NEO1: variants seen among roughly 807,000 people sequenced by gnomAD.
NEO1 encodes the protein neogenin.
In NEO1, 63 loss-of-function variants were observed where a neutral mutation model predicts 159.7. That is an observed-to-expected ratio of 0.39 (90% confidence interval 0.32 to 0.49). The LOEUF is 0.49. Ranked by LOEUF, NEO1 falls within the 20% of genes least tolerant of loss-of-function variation. The probability of loss-of-function intolerance (pLI) is 0.85; values close to 1 mark genes in which losing one functional copy is unlikely to be tolerated. For synonymous variants in NEO1, 633 were observed against 662.0 expected (o/e 0.96, Z 0.67); for missense variants, 1,615 against 1,831.0 (o/e 0.88, Z 2.15).
chr15:73,072,245 C>A (rs1029496398), intron 1 of NEO1, among the ~76,000 whole-genome samples: 3 of 142,292 alleles, frequency 2.1e-5, no homozygotes, highest in Non-Finnish European at 4.6e-5. Flanking sequence ...GCCACCGTGC[C>A]CAGCCAGCTT....
chr15:73,182,490 G>A (rs2035670294), intron 7 of NEO1, among the ~76,000 whole-genome samples: 1 of 152,048 alleles, frequency 6.6e-6, no homozygotes, highest in Non-Finnish European at 1.5e-5. Flanking sequence ...AAATATATTA[G>A]TTCATTTTCA....
At chr15:73,232,163 T>TG (rs2038944136) in intron 7 of NEO1, among the ~76,000 whole-genome samples, 1 of 152,238 alleles carries the variant, frequency 6.6e-6, no homozygotes, top group Non-Finnish European at 1.5e-5. Flanking sequence ...TTGTAGCAAC[T>TG]GTGGATTCTG....
At chr15:73,169,326 G>A (rs924761805) in intron 5 of NEO1, among the ~76,000 whole-genome samples, 2 of 152,078 alleles carry the variant, frequency 1.3e-5, no homozygotes, top group Non-Finnish European at 2.9e-5. Context: ...AGGATTTGAA[G>A]CTTAATTATC....
At chr15:73,234,382 G>T (rs2039065224) in intron 7 of NEO1, among the ~76,000 whole-genome samples, 2 of 152,086 alleles carry the variant, frequency 1.3e-5, no homozygotes, top group African/African-American at 2.4e-5. Context: ...GACACCTCAG[G>T]CTCCACAGTC....
At chr15:73,239,060 G>A (rs1317126463) in intron 8 of NEO1, among the ~76,000 whole-genome samples, 2 of 151,962 alleles carry the variant, frequency 1.3e-5, no homozygotes, top group Non-Finnish European at 2.9e-5. Context: ...TGTTAGCCAG[G>A]CTGGTATCGG....
At chr15:73,266,454 C>A (rs1446275032) in intron 16 of NEO1, 43 bp downstream of exon 16, 4 of 1,470,120 alleles carry the variant, frequency 2.7e-6, no homozygotes, top group South Asian at 2.5e-5. Flanking sequence ...CTTTTCCTAG[C>A]AGCTTAGGCA....
chr15:73,287,717 C>G (rs2042001784), intron 23 of NEO1, among the ~76,000 whole-genome samples: 1 of 152,010 alleles, frequency 6.6e-6, no homozygotes, highest in Admixed American at 6.6e-5. Flanking sequence ...CCTGTCTCTA[C>G]TAAAAACACA....
At position 73,303,639 on chromosome 15, in the gene NEO1, G is replaced by A. The variant is rs1347842305; in HGVS notation, c.*943G>A. On this transcript the variant is annotated 3_prime_UTR_variant, in exon 29 of 29. Transcript: ENST00000261908. ...GCATGTCCATCCTTATTGTCACTAC[G>A]TTGCAACTGGAGTTTGATTTGGATC... 2.0e-5 allele frequency: 3 copies of A among 152,150 alleles called. No homozygotes were observed. Among genetic ancestry groups the A allele is most frequent in the African/African-American group, 2.4e-5 (1 of 41,428 alleles). 9.4% of individuals were successfully genotyped at this position (152,150 alleles called of 1,614,324 possible). A position where few individuals can be genotyped will look rare whatever the true frequency, so the allele number is the denominator to read the frequency against.
chr15:73,122,130 A>AGT (rs2071702320), intron 2 of NEO1, among the ~76,000 whole-genome samples: 2 of 24,516 alleles, frequency 8.2e-5, no homozygotes, highest in Non-Finnish European at 1.8e-4. Context: ...TATAGCAATG[A>AGT]ATAAAGACTA....
intron 7 of NEO1, among the ~76,000 whole-genome samples, chr15:73,225,335 G>A (rs996628995): frequency 7.9e-5 from 12 of 152,114 alleles, no homozygotes; most frequent in Non-Finnish European, 1.5e-5. Flanking sequence ...AGTATAGAGA[G>A]GAACCAGAGG....
At chr15:73,199,922 G>A (rs574735001) in intron 7 of NEO1, among the ~76,000 whole-genome samples, 151 of 152,222 alleles carry the variant, frequency 9.9e-4, no homozygotes, top group African/African-American at 3.6e-3. Flanking sequence ...CTAATCTGAT[G>A]TATGAGACAG....
intron 26 of NEO1, among the ~76,000 whole-genome samples, chr15:73,296,482 G>T (rs917565058): frequency 1.3e-5 from 2 of 152,160 alleles, no homozygotes; most frequent in Non-Finnish European, 1.5e-5. Flanking sequence ...GAGGGTGTAC[G>T]AGTCCCTCAT....
At chr15:73,122,464 A>G (rs934707413) in intron 2 of NEO1, 61 bp from the exon 3 acceptor site, 6 of 1,515,164 alleles carry the variant, frequency 4.0e-6, no homozygotes, top group Non-Finnish European at 5.3e-6. Context: ...CTGGCTCCCA[A>G]GACAAAATTT....
chr15:73,094,938 C>T (rs1056281409), intron 1 of NEO1, among the ~76,000 whole-genome samples: 1 of 152,082 alleles, frequency 6.6e-6, no homozygotes, highest in African/African-American at 2.4e-5. Context: ...AGGCTGGGCA[C>T]GGTGGCTCAC....
intron 23 of NEO1, among the ~76,000 whole-genome samples, chr15:73,285,068 A>C (rs1484558518): frequency 6.6e-6 from 1 of 152,140 alleles, no homozygotes. Context: ...TTATTGAAAT[A>C]ATTTGAAAAC....
intron 1 of NEO1, among the ~76,000 whole-genome samples, chr15:73,057,524 G>C (rs1301627207): frequency 6.6e-6 from 1 of 152,176 alleles, no homozygotes; most frequent in Non-Finnish European, 1.5e-5. Context: ...ATTGACCGGA[G>C]AGCTAAGTGA....
intron 7 of NEO1, among the ~76,000 whole-genome samples, chr15:73,210,794 T>A (rs561240172): frequency 6.6e-6 from 1 of 152,326 alleles, no homozygotes; most frequent in Admixed American, 6.5e-5. Flanking sequence ...GTCTTTATTT[T>A]CATGTAAACT....
At chr15:73,228,843 A>T (rs1414212452) in intron 7 of NEO1, among the ~76,000 whole-genome samples, 1 of 152,154 alleles carries the variant, frequency 6.6e-6, no homozygotes, top group Non-Finnish European at 1.5e-5. Context: ...TGTTCTTCCC[A>T]CATTGAAATT....
At chr15:73,287,863 A>G (rs1043708740) in intron 23 of NEO1, among the ~76,000 whole-genome samples, 3 of 149,016 alleles carry the variant, frequency 2.0e-5, no homozygotes, top group African/African-American at 7.4e-5. Flanking sequence ...TTGGGCGACG[A>G]GCAAAACTCC....
Sources: gnomAD v4.1 joint callset for allele counts (sites outside exome capture counted in the v4.1 genomes callset) on GRCh38, gnomAD v4.1.1 for gene constraint, MANE v1.5 for transcripts, NCBI Gene and HGNC (gene_info 2026-07-23, HGNC 2026-07-21) for gene names.